Variants in GALK2 observed in about 807,000 individuals in gnomAD.
GALK2 encodes the protein galactokinase 2.
Under a neutral mutation model 52.4 loss-of-function variants are expected in GALK2, and 36 were observed. That is an observed-to-expected ratio of 0.69 (90% CI 0.53 to 0.91). The LOEUF is 0.91. Among genes scored for constraint, GALK2 ranks in the 40% least tolerant of loss-of-function variants. GALK2 has a pLI of 0.00. For missense variants in GALK2, 579 were observed against 559.1 expected (o/e 1.04, Z -0.36); for synonymous variants, 176 against 199.1 (o/e 0.88, Z 0.98).
At chr15:49,170,654 G>T in intron 1 of GALK2, 1 of 400,850 alleles carries the variant, frequency 2.5e-6, no homozygotes, top group Non-Finnish European at 4.5e-6. Context: ...CTTTCTACTG[G>T]GCTTCAGCAG....
intron 1 of GALK2, among the ~76,000 whole-genome samples, chr15:49,159,599 A>T (rs1489532303): frequency 6.6e-6 from 1 of 151,932 alleles, no homozygotes; most frequent in Non-Finnish European, 1.5e-5. Flanking sequence ...AAAATAAAAT[A>T]AAATAAATAA....
chr15:49,312,023 T>G (rs1191723819), intron 8 of GALK2, among the ~76,000 whole-genome samples: 1 of 152,174 alleles, frequency 6.6e-6, no homozygotes, highest in African/African-American at 2.4e-5. Context: ...CTTTCTTTCC[T>G]GAATCACTTT....
chr15:49,200,246 A>G (rs1241409380), intron 1 of GALK2, among the ~76,000 whole-genome samples: 1 of 152,188 alleles, frequency 6.6e-6, no homozygotes, highest in African/African-American at 2.4e-5. Context: ...TTTAGGGAAG[A>G]GAGGCCAAGA....
At chr15:49,349,781 T>C (rs1009474945) in intron 3 of GALK2, among the ~76,000 whole-genome samples, 13 of 152,148 alleles carry the variant, frequency 8.5e-5, no homozygotes, top group African/African-American at 2.9e-4. Context: ...CTTTTTTCTA[T>C]GGGTTGAAGC....
At chr15:49,295,468 T>C (rs2034391769) in intron 8 of GALK2, among the ~76,000 whole-genome samples, 1 of 152,102 alleles carries the variant, frequency 6.6e-6, no homozygotes, top group Non-Finnish European at 1.5e-5. Context: ...TTGGGGGTTA[T>C]TGTTGAAAAG....
chr15:49,252,128 A>G (rs1424751285), intron 5 of GALK2, among the ~76,000 whole-genome samples: 4 of 152,076 alleles, frequency 2.6e-5, no homozygotes, highest in African/African-American at 9.7e-5. Flanking sequence ...TTAGCTGGGT[A>G]TGATGGTGAG....
chr15:49,156,111 T>C, intron 1 of GALK2: 1 of 1,188,310 alleles, frequency 8.4e-7, no homozygotes, highest in Non-Finnish European at 1.3e-6. Context: ...CAACACAGTT[T>C]ACACTTAATG....
In GALK2 at chr15:49,316,180, C is replaced by T. The variant is rs936556297; in HGVS notation, c.968-3424C>T. Among the ~76,000 whole-genome samples, 37 of 152,084 alleles carry T rather than the reference C, an allele frequency of 2.4e-4. 1 individual carries two copies. The highest frequency in any genetic ancestry group is 3.7e-4 in the Non-Finnish European group (25 of 68,018). On this transcript the variant is annotated intron_variant, in intron 8 of 9. Coordinates refer to ENST00000560031, the MANE Select transcript of GALK2 (RefSeq NM_002044.4). ...GAATTTGTTTGGATCTTGGTGTAAA[C>T]CAGTTGAAATGTAAACTGGTGGACA... is the stretch of plus-strand genomic sequence containing the variant.
At chr15:49,226,866 A>C (rs576987944) in intron 3 of GALK2, among the ~76,000 whole-genome samples, 8 of 152,132 alleles carry the variant, frequency 5.3e-5, no homozygotes, top group Non-Finnish European at 4.4e-5. Flanking sequence ...ATGCTGTTAA[A>C]TTTCCTTGTA....
intron 5 of GALK2, among the ~76,000 whole-genome samples, chr15:49,278,175 G>C (rs1379284278): frequency 6.6e-6 from 1 of 152,134 alleles, no homozygotes. Context: ...GCAGGAGAAT[G>C]GCGTGAACCC....
intron 3 of GALK2, among the ~76,000 whole-genome samples, chr15:49,356,216 AC>A (rs1362767629): frequency 2.0e-5 from 3 of 152,308 alleles, no homozygotes; most frequent in Non-Finnish European, 2.9e-5. Context: ...CATCATAATG[AC>A]AGGATCAAAT....
chr15:49,217,370 GAACTCT>G (rs1475064467), intron 3 of GALK2, 57 bp downstream of exon 3: 3 of 1,559,338 alleles, frequency 1.9e-6, no homozygotes, highest in Non-Finnish European at 2.6e-6. Flanking sequence ...GTACCCAAAT[GAACTCT>G]TTAGGAGACA....
At chr15:49,206,873 T>C (rs939290598) in intron 2 of GALK2, among the ~76,000 whole-genome samples, 3 of 152,202 alleles carry the variant, frequency 2.0e-5, no homozygotes, top group Non-Finnish European at 4.4e-5. Context: ...TCCAGTACCA[T>C]GTTGAAAAGG....
chr15:49,328,297 G>C lies in GALK2; in HGVS notation c.*138G>C, dbSNP rs2037879581. 1.4e-6 allele frequency: 2 copies of C among 1,436,554 alleles called. No individual in the cohort carries two copies. The highest frequency in any genetic ancestry group is 1.8e-6 in the Non-Finnish European group (2 of 1,098,464). 89.0% of individuals were successfully genotyped at this position (1,436,554 alleles called of 1,614,324 possible). ...TATTATATCAAGATATATTTTCAAAGAAATGGTTGAAAGCTCTCTATGCTT... is the reference window on the plus strand; with the variant it reads ...TATTATATCAAGATATATTTTCAAACAAATGGTTGAAAGCTCTCTATGCTT... On this transcript the variant is annotated 3_prime_UTR_variant, in exon 10 of 10. Coordinates refer to ENST00000560031, the MANE Select transcript of GALK2 (RefSeq NM_002044.4).
At chr15:49,166,201 T>C (rs1302921094), upstream of GALK2, among the ~76,000 whole-genome samples, 2 of 152,190 alleles carry the variant, frequency 1.3e-5, no homozygotes, top group Non-Finnish European at 2.9e-5. Context: ...ATTAGAGTAC[T>C]GATGTGATGC....
Position 49,299,706 on chromosome 15 carries a change from A to ATTGC in GALK2, c.967+7172_967+7175dup, listed in dbSNP as rs1483737220. On this transcript the variant is annotated intron_variant, in intron 8 of 9. Transcript: ENST00000560031. ...TATGGTTTTGAGAGATCTTCTTGGT[A>ATTGC]TTGCTTTCTTTCTTTCTTTCTTTCT... Among the ~76,000 whole-genome samples the ATTGC allele has an allele frequency of 2.5e-3, 212 of 85,338 alleles. 1 individual carries two copies. Among genetic ancestry groups the ATTGC allele is most frequent in the Middle Eastern group, 0.012 (2 of 166 alleles). The allele number at this position is 85,338 out of a possible 152,430, so 56.0% of individuals were successfully genotyped here. A position where few individuals can be genotyped will look rare whatever the true frequency, so the allele number is the denominator to read the frequency against.
chr15:49,255,555 A>G (rs1263814696), intron 5 of GALK2, among the ~76,000 whole-genome samples: 1 of 116,442 alleles, frequency 8.6e-6, no homozygotes, highest in African/African-American at 2.8e-5. Context: ...TTTTGCCCCA[A>G]GAATACTGTA....
At chr15:49,201,138 G>A in intron 1 of GALK2, 24 bp from the exon 2 acceptor site, 2 of 1,341,588 alleles carry the variant, frequency 1.5e-6, no homozygotes, top group Non-Finnish European at 2.1e-6. Context: ...ATGATATTCT[G>A]AAATATTGTA....
intron 9 of GALK2, chr15:49,327,725 C>A: frequency 2.5e-6 from 1 of 397,316 alleles, no homozygotes; most frequent in Non-Finnish European, 4.5e-6. Flanking sequence ...GTTGACTTAC[C>A]ACTTGGAGTC....
Sources: gnomAD v4.1 joint callset for allele counts (sites outside exome capture counted in the v4.1 genomes callset) on GRCh38, gnomAD v4.1.1 for gene constraint, MANE v1.5 for transcripts, NCBI Gene and HGNC (gene_info 2026-07-23, HGNC 2026-07-21) for gene names.